AGT: variants seen among roughly 807,000 people sequenced by gnomAD.
The protein encoded by AGT is alpha-1 antiproteinase, antitrypsin.
AGT carries 26 observed loss-of-function variants against 28.1 expected under a neutral mutation model. The observed-to-expected ratio is 0.92, with a 90% confidence interval of 0.68 to 1.28. The LOEUF (loss-of-function observed/expected upper bound fraction) is 1.28, where lower values mean the gene tolerates loss of function less well. Among genes scored for constraint, AGT ranks in the 50% most tolerant of loss-of-function variants. The pLI, the probability that AGT is intolerant of heterozygous loss-of-function variation, is 0.00. For missense variants in AGT, 596 were observed against 592.3 expected, an observed-to-expected ratio of 1.01 and a Z score of -0.06; for synonymous variants, 259 against 259.6, an observed-to-expected ratio of 1.00 and a Z score of 0.02.
At chr1:230,718,220 C>G (rs887414717), upstream of AGT, among the ~76,000 whole-genome samples, 2 of 152,166 alleles carry the variant, frequency 1.3e-5, no homozygotes, top group Admixed American at 6.5e-5. Context: ...GTTGGGATTA[C>G]AGGCATAAGC....
chr1:230,703,956 C>G (rs2102785179), intron 4 of AGT, among the ~76,000 whole-genome samples: 1 of 152,308 alleles, frequency 6.6e-6, no homozygotes, highest in South Asian at 2.1e-4. Flanking sequence ...CAAGCAGGAC[C>G]ATGGAACACA....
Position 230,702,762 on chromosome 1 carries a change from A to C in AGT, c.*379T>G, listed in dbSNP as rs1663268384. ...CAAAAATGTATACTTTAATTTTAAAACCCAATTTTTGTTCTCAACTTGAAA... is the reference window on the plus strand; with the variant it reads ...CAAAAATGTATACTTTAATTTTAAACCCCAATTTTTGTTCTCAACTTGAAA... On this transcript the variant is annotated 3_prime_UTR_variant, in exon 5 of 5. Coordinates refer to ENST00000366667, the MANE Select transcript of AGT (RefSeq NM_001384479.1). The C allele has an allele frequency of 3.9e-6, 1 of 253,472 alleles. No individual in the cohort carries two copies. The highest frequency in any genetic ancestry group is 6.4e-5 in the South Asian group (1 of 15,540). 15.7% of individuals were successfully genotyped at this position (253,472 alleles called of 1,614,324 possible). A position where few individuals can be genotyped will look rare whatever the true frequency, so the allele number is the denominator to read the frequency against.
At chr1:230,723,599 G>A (rs545269349) in intron 1 of AGT, among the ~76,000 whole-genome samples, 1 of 152,134 alleles carries the variant, frequency 6.6e-6, no homozygotes, top group Non-Finnish European at 1.5e-5. Flanking sequence ...GTAACTCTAA[G>A]CCATGACTGA....
At chr1:230,711,167 G>T (rs1405806518) in intron 1 of AGT, among the ~76,000 whole-genome samples, 2 of 152,136 alleles carry the variant, frequency 1.3e-5, no homozygotes, top group South Asian at 2.1e-4. Context: ...TTAAAGAGAT[G>T]ATTAAGTTAA....
chr1:230,714,741 T>C (rs182640078), upstream of AGT, among the ~76,000 whole-genome samples: 1 of 152,326 alleles, frequency 6.6e-6, no homozygotes, highest in East Asian at 1.9e-4. Context: ...ACAGCCAGAT[T>C]GAAAGACACA....
chr1:230,711,155 C>A (rs1273779026), intron 1 of AGT, among the ~76,000 whole-genome samples: 1 of 152,138 alleles, frequency 6.6e-6, no homozygotes, highest in Non-Finnish European at 1.5e-5. Context: ...GAGACAGGAT[C>A]TTTAAAGAGA....
chr1:230,738,022 T>C (rs996235321), intron 1 of AGT, among the ~76,000 whole-genome samples: 2 of 152,248 alleles, frequency 1.3e-5, no homozygotes, highest in African/African-American at 4.8e-5. Flanking sequence ...AGGTGTAGCA[T>C]TAGTACTTCA....
At chr1:230,731,809 A>G (rs1254493081) in intron 1 of AGT, among the ~76,000 whole-genome samples, 1 of 152,078 alleles carries the variant, frequency 6.6e-6, no homozygotes, top group Non-Finnish European at 1.5e-5. Context: ...GGAGGTTGCA[A>G]CGAACCAAGA....
At chr1:230,735,008 C>T (rs1049024100) in intron 1 of AGT, among the ~76,000 whole-genome samples, 1 of 152,134 alleles carries the variant, frequency 6.6e-6, no homozygotes, top group African/African-American at 2.4e-5. Context: ...GCCATCGCGC[C>T]CGGCCATAAC....
chr1:230,732,621 A>T (rs1490811132), intron 1 of AGT, among the ~76,000 whole-genome samples: 9 of 152,258 alleles, frequency 5.9e-5, no homozygotes, highest in Non-Finnish European at 1.5e-5. Context: ...TGTCGTAGGT[A>T]TTAAATACTG....
Position 230,706,076 on chromosome 1 carries a change from G to T in AGT, c.954C>A (p.Asp318Glu). Residue 318 changes from aspartate (D) to glutamate (E), a missense_variant, in exon 3 of 5, where the codon GAC (aspartate) becomes GAA (glutamate). By Grantham distance (45) the Asp-to-Glu change is conservative (BLOSUM62 2). Transcript: ENST00000366667. ...AGGGCACTTGAGTCACCGAGAAGTTGTCCTGGATGTCACTCCAGTGCTGGA... is the reference window on the plus strand; with the variant it reads ...AGGGCACTTGAGTCACCGAGAAGTTTTCCTGGATGTCACTCCAGTGCTGGA... ...GTFQHWSDIQ[D>E]NFSVTQVPFT... 4.3e-6 allele frequency: 7 copies of T among 1,614,184 alleles called. No individual in the cohort carries two copies. The highest frequency in any genetic ancestry group is 5.9e-6 in the Non-Finnish European group (7 of 1,180,032).
At chr1:230,724,716 C>T (rs888171304) in intron 1 of AGT, among the ~76,000 whole-genome samples, 2 of 152,066 alleles carry the variant, frequency 1.3e-5, no homozygotes, top group African/African-American at 4.8e-5. Flanking sequence ...TCCCAGCTTC[C>T]TCAGGAGGCT....
Position 230,702,768 on chromosome 1 carries a change from T to C in AGT, c.*373A>G, listed in dbSNP as rs927436569. The C allele has an allele frequency of 7.9e-6, 2 of 253,042 alleles. No homozygotes were observed. The highest frequency in any genetic ancestry group is 1.0e-4 in the Admixed American group (2 of 20,092). The allele number at this position is 253,042 out of a possible 1,614,324, so 15.7% of individuals were successfully genotyped here. A position where few individuals can be genotyped will look rare whatever the true frequency, so the allele number is the denominator to read the frequency against. ...TGTATACTTTAATTTTAAAACCCAA[T>C]TTTTGTTCTCAACTTGAAAAGGGAA... On this transcript the variant is annotated 3_prime_UTR_variant, in exon 5 of 5. Transcript: ENST00000366667.
chr1:230,704,385 G>C (rs2102785603), intron 3 of AGT, 48 bp from the exon 4 acceptor site: 1 of 1,606,598 alleles, frequency 6.2e-7, no homozygotes, highest in Non-Finnish European at 8.5e-7. Flanking sequence ...ACACAGTGAG[G>C]GCTCTCCCAG....
Position 230,706,068 on chromosome 1 carries a change from GAGA to G in AGT, c.959_961del (p.Phe320del), listed in dbSNP as rs762921138. 1.2e-6 allele frequency: 2 copies of G among 1,614,170 alleles called. No individual in the cohort carries two copies. The highest frequency in any genetic ancestry group is 1.7e-6 in the Non-Finnish European group (2 of 1,180,026). ...CTCAGTGAAGGGCACTTGAGTCACC[GAGA>G]AGTTGTCCTGGATGTCACTCCAGTG... is the stretch of plus-strand genomic sequence containing the variant. On this transcript the variant is annotated inframe_deletion, in exon 3 of 5. Coordinates refer to ENST00000366667, the MANE Select transcript of AGT (RefSeq NM_001384479.1).
At chr1:230,742,300 T>C (rs1664261157) in intron 1 of AGT, among the ~76,000 whole-genome samples, 1 of 152,214 alleles carries the variant, frequency 6.6e-6, no homozygotes, top group South Asian at 2.1e-4. Context: ...CATGCCATTC[T>C]GCACTTTGAA....
intron 1 of AGT, among the ~76,000 whole-genome samples, chr1:230,732,361 T>C (rs1664084318): frequency 1.3e-5 from 2 of 152,050 alleles, no homozygotes; most frequent in Admixed American, 1.3e-4. Context: ...TAGAACAGTG[T>C]CTGGCCAGAG....
upstream of AGT, among the ~76,000 whole-genome samples, chr1:230,716,371 G>A (rs1042793088): frequency 4.6e-5 from 7 of 152,164 alleles, no homozygotes; most frequent in South Asian, 2.1e-4. Flanking sequence ...TTCCATCAGT[G>A]GAAGTTAGGG....
At chr1:230,739,137 C>A (rs1462707723) in intron 1 of AGT, among the ~76,000 whole-genome samples, 5 of 151,526 alleles carry the variant, frequency 3.3e-5, no homozygotes, top group Non-Finnish European at 4.4e-5. Context: ...GCAGGAGAAT[C>A]ATTTGAAGCT....
Sources: gnomAD v4.1 joint callset for allele counts (sites outside exome capture counted in the v4.1 genomes callset) on GRCh38, gnomAD v4.1.1 for gene constraint, MANE v1.5 for transcripts, NCBI Gene and HGNC (gene_info 2026-07-23, HGNC 2026-07-21) for gene names.